Variants in UPF3B observed in about 807,000 individuals in gnomAD.
The protein encoded by UPF3B is regulator of nonsense transcripts 3B.
A neutral mutation model predicts 40.3 loss-of-function variants in UPF3B; 7 were observed. That is an observed-to-expected ratio of 0.17 (90% CI 0.10 to 0.33). The LOEUF (loss-of-function observed/expected upper bound fraction) is 0.33, where lower values mean the gene tolerates loss of function less well. Among genes scored for constraint, UPF3B ranks in the 10% least tolerant of loss-of-function variants. The pLI is 1.00. For synonymous variants in UPF3B, 117 were observed against 117.3 expected (o/e 1.00, Z 0.01); for missense variants, 229 against 358.9 (o/e 0.64, Z 2.93).
chrX:119,852,705 T>C, intron 1 of UPF3B, 68 bp downstream of exon 1: 7 of 1,198,581 alleles, frequency 5.8e-6, no homozygotes, highest in Non-Finnish European at 7.9e-6. Flanking sequence ...GGCAGCCCCA[T>C]TCCCAGCCAT....
intron 3 of UPF3B, among the ~76,000 whole-genome samples, chrX:119,849,128 C>T (rs1182353541): frequency 8.9e-6 from 1 of 111,840 alleles, no homozygotes; most frequent in Non-Finnish European, 1.9e-5. Context: ...CCAGAAGGCA[C>T]TGCAAAGCAG....
intron 1 of UPF3B, 89 bp from the exon 2 acceptor site, chrX:119,851,962 T>A (rs2056309779): frequency 1.6e-6 from 1 of 615,260 alleles, no homozygotes; most frequent in African/African-American, 2.2e-5. Context: ...AAGGCTGGGC[T>A]TTAAAATATG....
chrX:119,810,847 G>A (rs2055822845), intron 5 of UPF3B, among the ~76,000 whole-genome samples: 1 of 110,821 alleles, frequency 9.0e-6, no homozygotes, highest in Non-Finnish European at 1.9e-5. Context: ...AAAAAAGATT[G>A]CATTGATGTA....
Position 119,811,413 on chromosome X carries a change from G to A in UPF3B, c.602+3787C>T, listed in dbSNP as rs372942443. 2.3e-4 allele frequency among the ~76,000 whole-genome samples: 25 copies of A among 109,009 alleles called. 1 individual carries two copies. The highest frequency in any genetic ancestry group is 1.2e-3 in the South Asian group (3 of 2,485). The allele number at this position is 109,009 out of a possible 115,157, so 94.7% of individuals were successfully genotyped here. ...TGTAATCCCAGCACTTTGGGAGGCCGAGGTGGATGAATCACAAGGTCAAGA... is the reference window on the plus strand; with the variant it reads ...TGTAATCCCAGCACTTTGGGAGGCCAAGGTGGATGAATCACAAGGTCAAGA... On this transcript the variant is annotated intron_variant, in intron 5 of 6. Coordinates refer to the UPF3B transcript ENST00000636792.
At chrX:119,807,654 TTA>T in intron 5 of UPF3B, 9 of 519,886 alleles carry the variant, frequency 1.7e-5, no homozygotes, top group Non-Finnish European at 2.1e-5. Context: ...AGGTCATATC[TTA>T]TATATATTAA....
chrX:119,845,126 T>C, intron 4 of UPF3B, 72 bp downstream of exon 4: 1 of 904,873 alleles, frequency 1.1e-6, no homozygotes, highest in Non-Finnish European at 1.6e-6. Flanking sequence ...TGGGGTCGAA[T>C]TAACTCTCAC....
intron 3 of UPF3B, chrX:119,823,085 T>A: frequency 2.9e-6 from 2 of 691,491 alleles, no homozygotes; most frequent in South Asian, 1.4e-4. Context: ...ACAATGCTAC[T>A]AAGCTTTTAC....
intron 10 of UPF3B, 62 bp downstream of exon 10, chrX:119,837,684 CCTTTACACTTT>C: frequency 1.9e-6 from 2 of 1,059,550 alleles, no homozygotes; most frequent in South Asian, 1.9e-5. Flanking sequence ...ATAACAGTGC[CCTTTACACTTT>C]CTTTACACTT....
intron 5 of UPF3B, among the ~76,000 whole-genome samples, chrX:119,813,612 AGTGCAGT>A (rs1462561328): frequency 1.0e-5 from 1 of 99,663 alleles, no homozygotes; most frequent in Non-Finnish European, 2.0e-5. Flanking sequence ...CCCAGGCTGG[AGTGCAGT>A]GGTGCTATCT....
At chrX:119,808,565 G>A (rs2055809088) in intron 5 of UPF3B, among the ~76,000 whole-genome samples, 1 of 100,659 alleles carries the variant, frequency 9.9e-6, no homozygotes, top group African/African-American at 3.6e-5. Flanking sequence ...CCAGGGCCGG[G>A]CACACAGTCA....
chrX:119,823,558 C>CTT (rs1193140140), intron 3 of UPF3B, among the ~76,000 whole-genome samples: 4 of 20,050 alleles, frequency 2.0e-4, no homozygotes, highest in Non-Finnish European at 2.8e-4. Context: ...TTTTTTTCCT[C>CTT]TTTTTTTTTT....
chrX:119,818,182 T>C (rs2055881189), intron 4 of UPF3B, among the ~76,000 whole-genome samples: 1 of 111,360 alleles, frequency 9.0e-6, no homozygotes, highest in Non-Finnish European at 1.9e-5. Flanking sequence ...GGAGAATCGC[T>C]TGAACCCAGG....
intron 6 of UPF3B, 74 bp from the exon 7 acceptor site, chrX:119,841,332 G>C (rs2056159024): frequency 1.7e-6 from 2 of 1,190,262 alleles, no homozygotes; most frequent in Non-Finnish European, 2.2e-6. Context: ...CTGAAGTCAT[G>C]GTAGGCCCCA....
In UPF3B at chrX:119,834,238, C is replaced by T; in HGVS notation, c.*640G>A. On this transcript the variant is annotated 3_prime_UTR_variant, in exon 11 of 11. Transcript: ENST00000276201. ...TAGAAAAGATGCTGATGACAAAACA[C>T]GAAGTTTAAAAATATTCTTTACGCT... 4.0e-6 allele frequency: 3 copies of T among 754,299 alleles called. No individual in the cohort carries two copies. Among genetic ancestry groups the T allele is most frequent in the African/African-American group, 2.3e-5 (1 of 43,752 alleles). The allele number at this position is 754,299 out of a possible 1,213,427, so 62.2% of individuals were successfully genotyped here.
chrX:119,826,929 T>G (rs1051486748), intron 3 of UPF3B, among the ~76,000 whole-genome samples: 6 of 112,085 alleles, frequency 5.4e-5, no homozygotes, highest in Non-Finnish European at 1.1e-4. Flanking sequence ...CTTGAGGAAT[T>G]TTACTTGTTG....
chrX:119,819,217 C>T (rs1968720633), intron 4 of UPF3B, among the ~76,000 whole-genome samples: 1 of 109,698 alleles, frequency 9.1e-6, no homozygotes, highest in South Asian at 3.9e-4. Flanking sequence ...CCACGCCTGG[C>T]TAATTTTTGT....
chrX:119,809,493 G>A (rs2055814723), intron 5 of UPF3B, among the ~76,000 whole-genome samples: 1 of 112,127 alleles, frequency 8.9e-6, no homozygotes. Flanking sequence ...AGCTGAGACT[G>A]GTGGATCACT....
rs2056071456 is a variant in UPF3B at position 119,834,575 on chromosome X, A to G, written c.*303T>C. 2.1e-6 allele frequency: 2 copies of G among 974,616 alleles called. No individual in the cohort carries two copies. Among genetic ancestry groups the G allele is most frequent in the Admixed American group, 4.9e-5 (1 of 20,608 alleles). 80.3% of individuals were successfully genotyped at this position (974,616 alleles called of 1,213,427 possible). ...AGCTCTTACTTTTCTCTCGTGTCAT[A>G]TGTGATGAAGTCCTCACTTGACAAT... On this transcript the variant is annotated 3_prime_UTR_variant, in exon 11 of 11. Transcript: ENST00000276201.
intron 8 of UPF3B, among the ~76,000 whole-genome samples, chrX:119,839,740 A>G (rs1049445705): frequency 3.6e-5 from 4 of 112,138 alleles, no homozygotes; most frequent in African/African-American, 1.3e-4. Flanking sequence ...ACCAGTGTAA[A>G]ATGAGGATAC....
Sources: gnomAD v4.1 joint callset for allele counts (sites outside exome capture counted in the v4.1 genomes callset) on GRCh38, gnomAD v4.1.1 for gene constraint, MANE v1.5 for transcripts, NCBI Gene and HGNC (gene_info 2026-07-23, HGNC 2026-07-21) for gene names.